Variants in MTNR1B observed in about 807,000 individuals in gnomAD.
The protein encoded by MTNR1B is melatonin receptor 1B.
MTNR1B carries 7 observed loss-of-function variants against 7.0 expected under a neutral mutation model. The observed-to-expected ratio is 1.00, with a 90% CI of 0.57 to 1.88. MTNR1B has a LOEUF of 1.88. Among genes scored for constraint, MTNR1B ranks in the 40% most tolerant of loss-of-function variants. MTNR1B has a pLI of 0.00. For synonymous variants in MTNR1B, 226 were observed against 208.2 expected, an observed-to-expected ratio of 1.09 and a Z score of -0.74; for missense variants, 478 against 486.5, an observed-to-expected ratio of 0.98 and a Z score of 0.16.
chr11:92,982,946 C>CT (rs1166624978), downstream of MTNR1B, among the ~76,000 whole-genome samples: 4 of 95,140 alleles, frequency 4.2e-5, no homozygotes, highest in Non-Finnish European at 9.2e-5. Flanking sequence ...ACCCCCCCCC[C>CT]CCACACACAC....
At chr11:92,982,939 C>T, downstream of MTNR1B, among the ~76,000 whole-genome samples, 1 of 88,090 alleles carries the variant, frequency 1.1e-5, no homozygotes, top group Non-Finnish European at 2.4e-5. Context: ...ACACTGCACC[C>T]CCCCCCCCCA....
intron 1 of MTNR1B, among the ~76,000 whole-genome samples, chr11:92,975,512 G>GCC (rs962505935): frequency 5.3e-5 from 8 of 152,158 alleles, no homozygotes; most frequent in African/African-American, 1.9e-4. Context: ...CCTCCTCCAG[G>GCC]CCCCCAGTGA....
In MTNR1B at chr11:92,981,541, G is replaced by C; in HGVS notation, c.318G>C (p.Trp106Cys). 6.2e-7 allele frequency: 1 copy of C among 1,614,150 alleles called. No individual in the cohort carries two copies. Among genetic ancestry groups the C allele is most frequent in the Non-Finnish European group, 8.5e-7 (1 of 1,180,032 alleles). Residue 106 changes from tryptophan (W) to cysteine (C), a missense_variant, in exon 2 of 2, where the codon TGG becomes TGC. By Grantham distance (215) the Trp-to-Cys change is radical. Transcript: ENST00000257068. The stretch of plus-strand genomic sequence containing the variant: ...TCGTGGCCATCTTCTATGACGGCTG[G>C]GCCCTGGGGGAGGAGCACTGCAAGG... ...LILVAIFYDG[W>C]ALGEEHCKAS...
At chr11:92,973,919 G>A (rs1857970069) in intron 1 of MTNR1B, among the ~76,000 whole-genome samples, 1 of 152,226 alleles carries the variant, frequency 6.6e-6, no homozygotes, top group Admixed American at 6.5e-5. Flanking sequence ...ATAGACCTCA[G>A]TTACAGTACT....
rs375735895 is a variant in MTNR1B at position 92,969,798 on chromosome 11, G to A, written c.73G>A (p.Ala25Thr). Residue 25 changes from alanine (A) to threonine (T), a missense_variant, in exon 1 of 2, where the codon GCT becomes ACT. Ala to Thr is a moderately conservative substitution (Grantham distance 58). Coordinates refer to ENST00000257068, the MANE Select transcript of MTNR1B (RefSeq NM_005959.5). ...GWAVRPGWSG[A>T]GSARPSRTPR... is the part of the protein sequence containing the mutation. The stretch of plus-strand genomic sequence containing the variant: ...GGCAGTGCGCCCGGGCTGGTCGGGG[G>A]CTGGCAGCGCGCGGCCCTCCAGGAC... 1.3e-5 allele frequency: 21 copies of A among 1,558,650 alleles called. No homozygotes were observed. The highest frequency in any genetic ancestry group is 2.8e-5 in the African/African-American group (2 of 72,078).
chr11:92,981,302 G>A, intron 1 of MTNR1B, 145 bp from the exon 2 acceptor site: 6 of 1,170,564 alleles, frequency 5.1e-6, no homozygotes, highest in South Asian at 3.0e-5. Context: ...TGGCAGAAAT[G>A]CAATCTGAGT....
chr11:92,984,673 T>C, downstream of MTNR1B: 2 of 322,584 alleles, frequency 6.2e-6, no homozygotes, highest in Non-Finnish European at 1.2e-5. Context: ...CAGTGCTGAG[T>C]TGAATGCATG....
rs377160633 is a variant in MTNR1B, at chr11:92,969,911, C to T, written c.186C>T (p.Ile62=). Reference sequence around the variant, plus strand: ...ACGTCGTGGGCAACCTCCTGGTGATCCTCTCCGTGCTCAGGAACCGCAAGC... The same window carrying T: ...ACGTCGTGGGCAACCTCCTGGTGATTCTCTCCGTGCTCAGGAACCGCAAGC... The part of the protein sequence containing the change: ...AVDVVGNLLV[I]LSVLRNRKLR... Residue 62 remains isoleucine (I), a synonymous_variant, in exon 1 of 2, where the codon ATC becomes ATT. Coordinates refer to ENST00000257068, the MANE Select transcript of MTNR1B (RefSeq NM_005959.5). 5 of 1,611,982 alleles carry T rather than the reference C, an allele frequency of 3.1e-6. No homozygotes were observed. The African/African-American group carries it at 6.7e-5, about 22-fold the overall frequency.
Position 92,981,572 on chromosome 11 carries a change from G to A in MTNR1B, c.349G>A (p.Ala117Thr), listed in dbSNP as rs762883185. 34 of 1,614,020 alleles carry A rather than the reference G, an allele frequency of 2.1e-5. No homozygotes were observed. In the African/African-American group the frequency reaches 2.5e-4, roughly 12 times the overall value. ...ALGEEHCKAS[A>T]FVMGLSVIGS... ...GGGGGAGGAGCACTGCAAGGCCAGC[G>A]CCTTTGTGATGGGCCTGAGCGTCAT... The change falls in exon 2 of 2, where the codon GCC becomes ACC. Residue 117 changes from alanine (A) to threonine (T), a missense_variant. Physicochemically the swap from Ala to Thr is moderately conservative, Grantham distance 58. Transcript: ENST00000257068.
intron 1 of MTNR1B, among the ~76,000 whole-genome samples, chr11:92,973,758 C>T (rs536441874): frequency 4.6e-5 from 7 of 152,310 alleles, no homozygotes; most frequent in African/African-American, 9.6e-5. Flanking sequence ...CCCGCTGGAC[C>T]GTGTACCTGC....
chr11:92,971,847 T>C (rs1016893928), intron 1 of MTNR1B, among the ~76,000 whole-genome samples: 7 of 152,176 alleles, frequency 4.6e-5, no homozygotes. Context: ...GGGAGGGTCA[T>C]GAGCATGTTA....
rs144090735 is a variant in MTNR1B at position 92,969,945 on chromosome 11, G to T, written c.220G>T (p.Ala74Ser). ...SVLRNRKLRN[A>S]GNLFLVSLAL... ...GCTCAGGAACCGCAAGCTCCGGAAC[G>T]CAGGTGAGCACCATTCCTGATGCTG... Residue 74 changes from alanine (A) to serine (S), a missense_variant, in exon 1 of 2, where the codon GCA (alanine) becomes TCA (serine). Ala to Ser is a moderately conservative substitution (Grantham distance 99). Transcript: ENST00000257068. 1.2e-6 allele frequency: 2 copies of T among 1,609,534 alleles called. No individual in the cohort carries two copies. Among genetic ancestry groups the T allele is most frequent in the Non-Finnish European group, 8.5e-7 (1 of 1,178,422 alleles).
At chr11:92,977,267 A>C (rs189174269) in intron 1 of MTNR1B, among the ~76,000 whole-genome samples, 1 of 152,336 alleles carries the variant, frequency 6.6e-6, no homozygotes, top group East Asian at 1.9e-4. Flanking sequence ...TAAGATTTTC[A>C]TAAATATGTG....
rs759391992 is a variant in MTNR1B at position 92,981,497 on chromosome 11, T to G, written c.274T>G (p.Tyr92Asp). 1 of 1,614,190 alleles carries G rather than the reference T, an allele frequency of 6.2e-7. No homozygotes were observed. The highest frequency in any genetic ancestry group is 1.1e-5 in the South Asian group (1 of 91,080). The change falls in exon 2 of 2, where the codon TAC (tyrosine) becomes GAC (aspartate). Residue 92 changes from tyrosine to aspartate, a missense_variant. By Grantham distance (160) the Tyr-to-Asp change is radical. Coordinates refer to ENST00000257068, the MANE Select transcript of MTNR1B (RefSeq NM_005959.5). ...LALADLVVAF[Y>D]PYPLILVAIF... ...ATTGGCTGACCTGGTGGTGGCCTTC[T>G]ACCCCTACCCGCTAATCCTCGTGGC...
chr11:92,982,217 T>C lies in MTNR1B; in HGVS notation c.994T>C (p.Cys332Arg). 1 of 1,614,238 alleles carries C rather than the reference T, an allele frequency of 6.2e-7. No individual in the cohort carries two copies. Residue 332 changes from cysteine (C) to arginine (R), a missense_variant, in exon 2 of 2, where the codon TGC becomes CGC. Transcript: ENST00000257068. ...ILLALWNPRH[C>R]IQDASKGSHA... ...CTTGGCCCTTTGGAACCCACGGCAC[T>C]GCATTCAAGATGCTTCCAAGGGCAG...
downstream of MTNR1B, among the ~76,000 whole-genome samples, chr11:92,982,951 A>ACACACC (rs1858143594): frequency 1.6e-5 from 1 of 63,738 alleles, no homozygotes; most frequent in African/African-American, 6.3e-5. Context: ...CCCCCCCCAC[A>ACACACC]CACACACACA....
At chr11:92,976,524 C>CA (rs11369429) in intron 1 of MTNR1B, among the ~76,000 whole-genome samples, 87,204 of 151,896 alleles carry the variant, frequency 0.57, 25,372 homozygotes, top group East Asian at 0.7. Context: ...AAAGAAAAGG[C>CA]AAAAAAAGCC....
At chr11:92,970,609 C>T (rs1857908339) in intron 1 of MTNR1B, among the ~76,000 whole-genome samples, 1 of 152,166 alleles carries the variant, frequency 6.6e-6, no homozygotes, top group Non-Finnish European at 1.5e-5. Context: ...TTGGCTAAAT[C>T]GTGTTGTAAT....
chr11:92,971,107 T>A (rs562816350), intron 1 of MTNR1B, among the ~76,000 whole-genome samples: 1 of 151,894 alleles, frequency 6.6e-6, no homozygotes, highest in Non-Finnish European at 1.5e-5. Flanking sequence ...TTACAGGCGC[T>A]CGCCACTACA....
Sources: gnomAD v4.1 joint callset for allele counts (sites outside exome capture counted in the v4.1 genomes callset) on GRCh38, gnomAD v4.1.1 for gene constraint, MANE v1.5 for transcripts, NCBI Gene and HGNC (gene_info 2026-07-23, HGNC 2026-07-21) for gene names.